RAD51B: variants seen among roughly 807,000 people sequenced by gnomAD.
The protein encoded by RAD51B is DNA repair protein RAD51 homolog 2.
RAD51B carries 38 observed loss-of-function variants against 42.2 expected under a neutral mutation model. The ratio of observed to expected loss-of-function variants is 0.90; its 90% CI spans 0.70 to 1.18. The LOEUF (loss-of-function observed/expected upper bound fraction) is 1.18. Ranked by LOEUF, RAD51B falls within the 50% of genes most tolerant of loss-of-function variation. RAD51B has a pLI of 0.00. For missense variants in RAD51B, 373 were observed against 400.7 expected (o/e 0.93, Z 0.59); for synonymous variants, 154 against 145.2 (o/e 1.06, Z -0.43).
chr14:68,476,908 A>T (rs752207250), intron 10 of RAD51B, among the ~76,000 whole-genome samples: 1 of 152,154 alleles, frequency 6.6e-6, no homozygotes. Flanking sequence ...CTCCCCAGCT[A>T]GACTGCTTGA....
intron 7 of RAD51B, among the ~76,000 whole-genome samples, chr14:68,242,683 C>G (rs2080416279): frequency 6.6e-6 from 1 of 152,188 alleles, no homozygotes; most frequent in African/African-American, 2.4e-5. Flanking sequence ...ATTTACTGAG[C>G]CCTTCCTAGG....
rs561550570 is a variant in RAD51B at position 68,667,137 on chromosome 14, T to C, written c.*11+16281T>C. Among the ~76,000 whole-genome samples the C allele has an allele frequency of 3.9e-5, 6 of 152,290 alleles. No individual in the cohort carries two copies. The South Asian group carries it at 1.2e-3, about 32-fold the overall frequency. ...ATAGACGAGATGGAGAGAGATGGAT[T>C]TAAGGGAATTGACGTATGTGACGGC... On this transcript the variant is annotated intron_variant, in intron 11 of 11. Transcript: ENST00000488612.
In RAD51B at chr14:68,178,531, C is replaced by T. The variant is rs181153960; in HGVS notation, c.757-113353C>T. 9.2e-4 allele frequency among the ~76,000 whole-genome samples: 140 copies of T among 152,270 alleles called. 1 individual carries two copies. Among genetic ancestry groups the T allele is most frequent in the Middle Eastern group, 3.4e-3 (1 of 294 alleles). On this transcript the variant is annotated intron_variant, in intron 7 of 10. Transcript: ENST00000471583. ...AAGTCATCTAAGTAATTGGGCTATG[C>T]GTATCCTGTTGAATCACATTCCTTC...
At chr14:68,008,935 T>C (rs1016988012) in intron 7 of RAD51B, among the ~76,000 whole-genome samples, 4 of 151,984 alleles carry the variant, frequency 2.6e-5, no homozygotes, top group Non-Finnish European at 5.9e-5. Flanking sequence ...TTTGCTGTCG[T>C]AGAGATACGC....
At chr14:67,943,823 G>A (rs570651067) in intron 7 of RAD51B, among the ~76,000 whole-genome samples, 13 of 152,000 alleles carry the variant, frequency 8.6e-5, no homozygotes, top group Admixed American at 2.0e-4. Context: ...ATGAGTTAGG[G>A]CCTACTTAAG....
At chr14:68,145,591 C>T (rs1766000762) in intron 7 of RAD51B, among the ~76,000 whole-genome samples, 1 of 152,114 alleles carries the variant, frequency 6.6e-6, no homozygotes, top group Admixed American at 6.5e-5. Context: ...ATAGGTATTT[C>T]ATTATTGGGT....
intron 8 of RAD51B, among the ~76,000 whole-genome samples, chr14:68,380,740 G>A (rs34120697): frequency 0.012 from 1,841 of 152,312 alleles, 41 homozygotes; most frequent in African/African-American, 0.042. Context: ...CAAATCTTTT[G>A]TTGCAATCTT....
chr14:68,508,187 TG>T (rs1885476095), intron 10 of RAD51B, among the ~76,000 whole-genome samples: 1 of 152,160 alleles, frequency 6.6e-6, no homozygotes, highest in Non-Finnish European at 1.5e-5. Flanking sequence ...TTGATGGTGA[TG>T]GAAGTTTGCT....
At chr14:68,513,544 C>G (rs191541203) in intron 10 of RAD51B, among the ~76,000 whole-genome samples, 2 of 152,190 alleles carry the variant, frequency 1.3e-5, no homozygotes, top group Non-Finnish European at 2.9e-5. Context: ...AAGAAGCAGA[C>G]TCAAATACAG....
chr14:68,543,701 A>G (rs1220234970), intron 10 of RAD51B, among the ~76,000 whole-genome samples: 1 of 152,196 alleles, frequency 6.6e-6, no homozygotes, highest in Non-Finnish European at 1.5e-5. Context: ...GACCTAGAGA[A>G]TCACTTCCTT....
intron 7 of RAD51B, among the ~76,000 whole-genome samples, chr14:68,022,949 A>G (rs1353250676): frequency 2.6e-5 from 4 of 152,178 alleles, no homozygotes; most frequent in Non-Finnish European, 4.4e-5. Context: ...AATGGTCTCT[A>G]GCTCCATCCA....
At chr14:68,597,779 A>G (rs1031168914), downstream of RAD51B, among the ~76,000 whole-genome samples, 16 of 136,588 alleles carry the variant, frequency 1.2e-4, no homozygotes, top group African/African-American at 4.5e-4. Context: ...CTTCACATGT[A>G]CCCTCCAAAC....
chr14:67,883,381 C>T (rs536905998), intron 5 of RAD51B, among the ~76,000 whole-genome samples: 114 of 151,362 alleles, frequency 7.5e-4, no homozygotes, highest in African/African-American at 2.6e-3. Context: ...TGATCTTGGC[C>T]TTGGCTAGCT....
At chr14:68,470,126 C>T (rs1024785906) in intron 10 of RAD51B, among the ~76,000 whole-genome samples, 4 of 152,184 alleles carry the variant, frequency 2.6e-5, no homozygotes, top group Non-Finnish European at 4.4e-5. Flanking sequence ...CTAAAGGAGG[C>T]TGACCTGGAG....
chr14:67,900,373 C>T (rs2043569654), intron 7 of RAD51B, among the ~76,000 whole-genome samples: 1 of 152,062 alleles, frequency 6.6e-6, no homozygotes, highest in South Asian at 2.1e-4. Flanking sequence ...CACTTTAGAC[C>T]TCTCTTGGGG....
At chr14:67,878,879 T>G (rs1595051192) in intron 5 of RAD51B, among the ~76,000 whole-genome samples, 1 of 152,264 alleles carries the variant, frequency 6.6e-6, no homozygotes, top group East Asian at 1.9e-4. Flanking sequence ...GCCTGGCTAA[T>G]TTTTGAATTT....
At chr14:68,401,002 G>A (rs2084088467) in intron 8 of RAD51B, among the ~76,000 whole-genome samples, 1 of 152,130 alleles carries the variant, frequency 6.6e-6, no homozygotes, top group Middle Eastern at 3.2e-3. Flanking sequence ...TTGAGCTGAT[G>A]GGAGGAGATT....
At position 68,564,594 on chromosome 14, in the gene RAD51B, G is replaced by A. The variant is rs192861429; in HGVS notation, c.1037-29891G>A. Among the ~76,000 whole-genome samples, 565 of 152,260 alleles carry A rather than the reference G, an allele frequency of 3.7e-3. 7 individuals are homozygous for A. Among genetic ancestry groups the A allele is most frequent in the Admixed American group, 0.034 (524 of 15,300 alleles). On this transcript the variant is annotated intron_variant, in intron 10 of 10. Coordinates refer to the RAD51B transcript ENST00000487270. Reference sequence around the variant, plus strand: ...GCCACAGAGTTCATCAGCTTCCCACGACCAGCACCCATAGCCTTAACCCCG... The same window carrying A: ...GCCACAGAGTTCATCAGCTTCCCACAACCAGCACCCATAGCCTTAACCCCG...
intron 8 of RAD51B, among the ~76,000 whole-genome samples, chr14:68,320,774 C>G (rs1167448901): frequency 6.6e-6 from 1 of 151,992 alleles, no homozygotes; most frequent in Non-Finnish European, 1.5e-5. Flanking sequence ...CCTTCCATCC[C>G]ATCATCTGCT....
Sources: gnomAD v4.1 joint callset for allele counts (sites outside exome capture counted in the v4.1 genomes callset) on GRCh38, gnomAD v4.1.1 for gene constraint, MANE v1.5 for transcripts, NCBI Gene and HGNC (gene_info 2026-07-23, HGNC 2026-07-21) for gene names.